Variants in PC observed in about 807,000 individuals in gnomAD.
The protein encoded by PC is pyruvate carboxylase.
PC carries 46 observed loss-of-function variants against 107.8 expected under a neutral mutation model. The observed-to-expected ratio is 0.43, with a 90% CI of 0.34 to 0.55. PC has a LOEUF of 0.55. PC is among the 20% of genes least tolerant of loss of function. The pLI, the probability that PC is intolerant of heterozygous loss-of-function variation, is 0.04. For missense variants in PC, 1,241 were observed against 1,643.1 expected, an observed-to-expected ratio of 0.76 and a Z score of 4.23; for synonymous variants, 662 against 684.7, an observed-to-expected ratio of 0.97 and a Z score of 0.52.
chr11:66,916,026 C>T (rs575719385), intron 3 of PC, among the ~76,000 whole-genome samples: 55 of 152,320 alleles, frequency 3.6e-4, no homozygotes, highest in African/African-American at 1.2e-3. Flanking sequence ...AAAACAAACA[C>T]ACCAACTGTG....
Position 66,870,603 on chromosome 11 carries a change from T to C in PC, c.752-150A>G. ...GGAGAGACACCAGCATCACCAAGGCTGTGAGGACCAACTGCCAGCTCGGCC... is the reference window on the plus strand; with the variant it reads ...GGAGAGACACCAGCATCACCAAGGCCGTGAGGACCAACTGCCAGCTCGGCC... On this transcript the variant is annotated intron_variant, in intron 8 of 22. Coordinates refer to ENST00000393960, the MANE Select transcript of PC (RefSeq NM_001040716.2). This position sits in a 1 kb window ranked among gnomAD's most constrained non-coding sequence, Gnocchi z 6.1. 1.7e-6 allele frequency: 2 copies of C among 1,152,118 alleles called. 1 individual carries two copies. The highest frequency in any genetic ancestry group is 2.6e-6 in the Non-Finnish European group (2 of 781,348). The allele number at this position is 1,152,118 out of a possible 1,614,324, so 71.4% of individuals were successfully genotyped here. A position where few individuals can be genotyped will look rare whatever the true frequency, so the allele number is the denominator to read the frequency against.
At chr11:66,930,517 G>A (rs1156947979) in intron 3 of PC, among the ~76,000 whole-genome samples, 6 of 152,102 alleles carry the variant, frequency 3.9e-5, no homozygotes, top group African/African-American at 1.4e-4. Context: ...TGAGGCAGGC[G>A]GATCACCTGA....
At chr11:66,943,198 C>A (rs1949190403) in intron 3 of PC, among the ~76,000 whole-genome samples, 1 of 151,078 alleles carries the variant, frequency 6.6e-6, no homozygotes, top group Admixed American at 6.6e-5. Flanking sequence ...TAAAAGAGGT[C>A]GAGCTGGCCA....
chr11:66,858,998 A>G lies in PC; in HGVS notation c.1368+4776T>C. ...AGGTGACGGAGGTGACCGCCACCTC[A>G]GGGCTGGTGAGCTGGGGTCCCGGGC... On this transcript the variant is annotated intron_variant, in intron 12 of 22. Transcript: ENST00000393960. The surrounding 1 kb of genome is among the most constrained non-coding windows in gnomAD (Gnocchi z 5.9). 1 of 1,537,356 alleles carries G rather than the reference A, an allele frequency of 6.5e-7. No homozygotes were observed. Among genetic ancestry groups the G allele is most frequent in the Non-Finnish European group, 8.8e-7 (1 of 1,140,630 alleles).
chr11:66,859,912 G>A (rs764989753), intron 12 of PC: 85 of 1,580,422 alleles, frequency 5.4e-5, no homozygotes, highest in Middle Eastern at 1.9e-4. Context: ...GTTCGGGGCC[G>A]GGGGGCCGGA....
rs573120502 is a variant in PC at position 66,909,274 on chromosome 11, G to GT, written c.1-37116dup. Among the ~76,000 whole-genome samples the GT allele has an allele frequency of 1.9e-3, 286 of 152,316 alleles. 1 individual carries two copies. The highest frequency in any genetic ancestry group is 3.3e-3 in the Admixed American group (51 of 15,300). Reference sequence around the variant, plus strand: ...TGGTGTGGGGCCAGAGCTGGAGGAAGTATCTGCATGGAGCCTGCACTCAGC... The same window carrying GT: ...TGGTGTGGGGCCAGAGCTGGAGGAAGTTATCTGCATGGAGCCTGCACTCAGC... On this transcript the variant is annotated intron_variant, in intron 3 of 22. Coordinates refer to ENST00000393960, the MANE Select transcript of PC (RefSeq NM_001040716.2).
chr11:66,917,701 T>C (rs1397458061), intron 3 of PC, among the ~76,000 whole-genome samples: 1 of 152,236 alleles, frequency 6.6e-6, no homozygotes, highest in African/African-American at 2.4e-5. Flanking sequence ...TCCACTGCTC[T>C]GGTGGACATG....
Position 66,871,969 on chromosome 11 carries a change from A to G in PC, c.136+55T>C. On this transcript the variant is annotated intron_variant, in intron 4 of 22. Transcript: ENST00000393960. This position sits in a 1 kb window ranked among gnomAD's most constrained non-coding sequence, Gnocchi z 7.4. ...GCCTGGGGCAGTGAGTGGGAGAAGA[A>G]TGCCAAGGCTGGGGCGGCCATGAGG... is the stretch of plus-strand genomic sequence containing the variant. 1 of 1,562,082 alleles carries G rather than the reference A, an allele frequency of 6.4e-7. No homozygotes were observed. The highest frequency in any genetic ancestry group is 8.7e-7 in the Non-Finnish European group (1 of 1,153,290).
chr11:66,947,779 A>G (rs1467485208), intron 3 of PC, among the ~76,000 whole-genome samples: 3 of 150,400 alleles, frequency 2.0e-5, no homozygotes, highest in Admixed American at 1.3e-4. Flanking sequence ...CCTGGCCAAC[A>G]TGGTGAAACC....
rs1945385276 is a variant in PC, at chr11:66,850,109, G to A, written c.2726C>T (p.Pro909Leu). The A allele has an allele frequency of 6.2e-7, 1 of 1,613,740 alleles. No individual in the cohort carries two copies. ...CAGGTCCCCCACGATCTTGGAGGAG[G>A]GCGTCACCTGAGGAGAAGGCCCTGG... Reference protein sequence around the residue: ...QMLGDLIKVTPSSKIVGDLAQ... With the variant: ...QMLGDLIKVTLSSKIVGDLAQ... The change falls in exon 20 of 23, where the codon CCC becomes CTC. Residue 909 changes from proline (P) to leucine (L), a missense_variant. Around this residue, in one of 2 missense-constraint regions of PC, gnomAD observed 1,143 missense variants for 1,551.9 expected, o/e 0.74. Transcript: ENST00000393960.
At position 66,854,256 on chromosome 11, in the gene PC, G is replaced by A. The variant is rs1233963807; in HGVS notation, c.1369-873C>T. On this transcript the variant is annotated intron_variant, in intron 12 of 22. Coordinates refer to ENST00000393960, the MANE Select transcript of PC (RefSeq NM_001040716.2). ...TCCAGCCACATCAAACTTGCCTTGCGCTCCACACCTTTGCACCTGCCTGGG... is the reference window on the plus strand; with the variant it reads ...TCCAGCCACATCAAACTTGCCTTGCACTCCACACCTTTGCACCTGCCTGGG... Among the ~76,000 whole-genome samples the A allele has an allele frequency of 7.9e-5, 12 of 152,204 alleles. No individual in the cohort carries two copies. The East Asian group carries it at 1.3e-3, about 17-fold the overall frequency.
chr11:66,872,116 C>T lies in PC; in HGVS notation c.44G>A (p.Gly15Glu). The T allele has an allele frequency of 6.3e-7, 1 of 1,577,866 alleles. No homozygotes were observed. The highest frequency in any genetic ancestry group is 8.6e-7 in the Non-Finnish European group (1 of 1,162,706). The change falls in exon 4 of 23, where the codon GGA becomes GAA. Residue 15 changes from glycine to glutamate, a missense_variant. Coordinates refer to ENST00000393960, the MANE Select transcript of PC (RefSeq NM_001040716.2). Reference sequence around the variant, plus strand: ...GGGGGCGGTGGAGGTTCGGCGGATTCCCAGGAGCCTCAGGCCCCCATGGAC... The same window carrying T: ...GGGGGCGGTGGAGGTTCGGCGGATTTCCAGGAGCCTCAGGCCCCCATGGAC... ...RTVHGGLRLL[G>E]IRRTSTAPAA... is the part of the protein sequence containing the mutation.
rs1424166665 is a variant in PC, at chr11:66,884,090, C to T, written c.1-11931G>A. On this transcript the variant is annotated intron_variant, in intron 3 of 22. Coordinates refer to ENST00000393960, the MANE Select transcript of PC (RefSeq NM_001040716.2). ...AGAAACCCCATCTCTACTAAAAATA[C>T]AAAATTAGCCGGGCATGGTGGCACA... 2.0e-5 allele frequency among the ~76,000 whole-genome samples: 3 copies of T among 151,950 alleles called. No homozygotes were observed. The South Asian group carries it at 6.2e-4, about 32-fold the overall frequency.
At chr11:66,930,090 T>C (rs893399606) in intron 3 of PC, among the ~76,000 whole-genome samples, 6 of 151,960 alleles carry the variant, frequency 3.9e-5, no homozygotes, top group African/African-American at 1.5e-4. Flanking sequence ...AACGTAACAG[T>C]GAACCACCAA....
intron 3 of PC, among the ~76,000 whole-genome samples, chr11:66,944,013 G>A (rs1271928449): frequency 7.0e-6 from 1 of 143,086 alleles, no homozygotes; most frequent in Non-Finnish European, 1.5e-5. Context: ...CGGGCACAGT[G>A]GCTCACGCCT....
intron 3 of PC, among the ~76,000 whole-genome samples, chr11:66,908,881 C>A (rs557205894): frequency 6.6e-6 from 1 of 152,138 alleles, no homozygotes; most frequent in Non-Finnish European, 1.5e-5. Flanking sequence ...GGTCCAGGAT[C>A]CTGACCAGCA....
chr11:66,851,029 G>T lies in PC; in HGVS notation c.2223+11C>A. 6.2e-7 allele frequency: 1 copy of T among 1,612,388 alleles called. No individual in the cohort carries two copies. On this transcript the variant is annotated intron_variant, in intron 17 of 22. Coordinates refer to ENST00000393960, the MANE Select transcript of PC (RefSeq NM_001040716.2). ...GGCAGAGAGGGAGGGACGGACAAGT[G>T]GCCCAGGCACCTTGATGCACAGGAT...
chr11:66,910,591 C>A (rs777679772), intron 3 of PC, among the ~76,000 whole-genome samples: 2 of 152,140 alleles, frequency 1.3e-5, no homozygotes, highest in Non-Finnish European at 2.9e-5. Context: ...ACCATACGGC[C>A]GGTGGAAGCA....
Position 66,871,790 on chromosome 11 carries a change from C to A in PC, c.218G>T (p.Gly73Val). 6.2e-7 allele frequency: 1 copy of A among 1,605,996 alleles called. No individual in the cohort carries two copies. Among genetic ancestry groups the A allele is most frequent in the South Asian group, 1.1e-5 (1 of 89,828 alleles). ...ATCTGCTTTCTGCCGGTGCATCTGG[C>A]CCGTGTCCTGCTCAGAGTAGATGGC... ...TVAIYSEQDT[G>V]QMHRQKADEA... The change falls in exon 5 of 23, where the codon GGC (glycine) becomes GTC (valine). Residue 73 changes from glycine to valine, a missense_variant. Gly to Val is a moderately radical substitution (Grantham distance 109). Around this residue, in one of 2 missense-constraint regions of PC, gnomAD observed 1,143 missense variants for 1,551.9 expected, o/e 0.74. Coordinates refer to ENST00000393960, the MANE Select transcript of PC (RefSeq NM_001040716.2). This position sits in a 1 kb window ranked among gnomAD's most constrained non-coding sequence, Gnocchi z 7.4.
Sources: gnomAD v4.1 joint callset for allele counts (sites outside exome capture counted in the v4.1 genomes callset) on GRCh38, gnomAD v4.1.1 for gene constraint, gnomAD v4.1.1 regional missense constraint, Gnocchi (gnomAD v3.1) non-coding constraint, MANE v1.5 for transcripts, NCBI Gene and HGNC (gene_info 2026-07-23, HGNC 2026-07-21) for gene names.